The following RPL3 variants were observed in gnomAD, a reference collection of about 807,000 sequenced individuals.
RPL3 encodes the protein ribosomal protein L3, also known as large ribosomal subunit protein uL3.
In RPL3, 3 loss-of-function variants were observed where a neutral mutation model predicts 46.0. The ratio of observed to expected loss-of-function variants is 0.07; its 90% CI spans 0.03 to 0.17. RPL3 has a LOEUF of 0.17. Ranked by LOEUF, RPL3 falls within the 10% of genes least tolerant of loss-of-function variation. RPL3 has a pLI of 1.00. For missense variants in RPL3, 387 were observed against 532.7 expected (o/e 0.73, Z 2.69); for synonymous variants, 224 against 190.8 (o/e 1.17, Z -1.43).
intron 4 of RPL3, among the ~76,000 whole-genome samples, chr22:39,315,781 GACCCACACC>G (rs1432652640): frequency 6.6e-6 from 1 of 152,184 alleles, no homozygotes; most frequent in Non-Finnish European, 1.5e-5. Context: ...GAGCGGACAA[GACCCACACC>G]ACAGGCAAAC....
chr22:39,313,523 T>C (rs1182326742), intron 8 of RPL3, 111 bp downstream of exon 8: 42 of 1,258,436 alleles, frequency 3.3e-5, no homozygotes, highest in Non-Finnish European at 4.3e-5. Flanking sequence ...GTGAAAGGAC[T>C]GCCAACACCC....
At chr22:39,314,613 A>C (rs2146512186) in intron 6 of RPL3, 73 bp downstream of exon 6, 1 of 1,506,294 alleles carries the variant, frequency 6.6e-7, no homozygotes, top group East Asian at 2.4e-5. Flanking sequence ...AGCAGCACTG[A>C]CAGGCACAGA....
At chr22:39,316,131 C>T (rs1181100635) in intron 4 of RPL3, among the ~76,000 whole-genome samples, 1 of 151,942 alleles carries the variant, frequency 6.6e-6, no homozygotes, top group Non-Finnish European at 1.5e-5. Flanking sequence ...CCCAGCTACT[C>T]AGGAGGCTGA....
intron 4 of RPL3, 51 bp downstream of exon 4, chr22:39,316,655 G>A (rs750382391): frequency 1.9e-6 from 3 of 1,609,902 alleles, no homozygotes; most frequent in Non-Finnish European, 2.5e-6. Flanking sequence ...TGATCACATA[G>A]GTCACTTCTA....
chr22:39,319,548 C>T (rs1922923581), intron 1 of RPL3, 47 bp downstream of exon 1: 3 of 1,558,462 alleles, frequency 1.9e-6, no homozygotes, highest in African/African-American at 2.7e-5. Context: ...CGGATTCAGC[C>T]GTGCCGACGC....
intron 1 of RPL3, chr22:39,319,123 A>C (rs1198469342): frequency 1.8e-6 from 1 of 540,562 alleles, no homozygotes; most frequent in Non-Finnish European, 3.8e-6. Context: ...GGTTTCTGCG[A>C]GCTCCAGAGG....
intron 8 of RPL3, 101 bp downstream of exon 8, chr22:39,313,533 C>T: frequency 7.7e-7 from 1 of 1,298,356 alleles, no homozygotes; most frequent in Non-Finnish European, 1.1e-6. Flanking sequence ...TGCCAACACC[C>T]TCTCCTTCCT....
In RPL3 at chr22:39,315,564, A is replaced by G. The variant is rs778441394; in HGVS notation, c.502-9T>C. On this transcript the variant is annotated splice_polypyrimidine_tract_variant and intron_variant, in intron 4 of 9. Coordinates refer to ENST00000216146, the MANE Select transcript of RPL3 (RefSeq NM_000967.4). ...AGAGGAAGCAGGCGCATCTAGGAGAAGGTAGACACAGCTCAGCTCCAGCTG... is the reference window on the plus strand; with the variant it reads ...AGAGGAAGCAGGCGCATCTAGGAGAGGGTAGACACAGCTCAGCTCCAGCTG... 3.7e-6 allele frequency: 6 copies of G among 1,613,640 alleles called. No homozygotes were observed. The South Asian group carries it at 5.5e-5, about 15-fold the overall frequency.
chr22:39,317,783 C>A, intron 2 of RPL3, 154 bp from the exon 3 acceptor site: 2 of 747,782 alleles, frequency 2.7e-6, no homozygotes, highest in South Asian at 1.9e-5. Flanking sequence ...CTGCCTATCT[C>A]TCATTCAAAG....
intron 2 of RPL3, chr22:39,317,974 A>T: frequency 2.8e-6 from 1 of 354,630 alleles, no homozygotes; most frequent in Non-Finnish European, 5.2e-6. Flanking sequence ...GCCTAACATT[A>T]ATGTCTCCAT....
chr22:39,318,470 G>A lies in RPL3; in HGVS notation c.126C>T (p.His42=), dbSNP rs770553270. 1.2e-6 allele frequency: 2 copies of A among 1,614,062 alleles called. No individual in the cohort carries two copies. The highest frequency in any genetic ancestry group is 1.7e-6 in the Non-Finnish European group (2 of 1,179,970). Residue 42 remains histidine (H), a synonymous_variant, in exon 2 of 10, where the codon CAC becomes CAT. Coordinates refer to ENST00000216146, the MANE Select transcript of RPL3 (RefSeq NM_000967.4). ...CCTTGTATCCCAGGAAGGCTGTGAG[G>A]TGGACCGGCTTGGACGGGTCATCCT... ...FPKDDPSKPV[H]LTAFLGYKAG... is the part of the protein sequence containing the mutation.
Position 39,314,289 on chromosome 22 carries a change from C to T in RPL3, c.850-81G>A, listed in dbSNP as rs114560543. 2,313 of 1,218,832 alleles carry T rather than the reference C, an allele frequency of 1.9e-3. 38 individuals carry two copies. The African/African-American group carries it at 0.03, about 16-fold the overall frequency. 75.5% of individuals were successfully genotyped at this position (1,218,832 alleles called of 1,614,324 possible). A position where few individuals can be genotyped will look rare whatever the true frequency, so the allele number is the denominator to read the frequency against. ...TGCCAGTGTGCTGACCTGCAAAGCA[C>T]GCTAGAAGGCAGCTGAGGCCTCAGT... is the stretch of plus-strand genomic sequence containing the variant. On this transcript the variant is annotated intron_variant, in intron 6 of 9. Transcript: ENST00000216146.
intron 2 of RPL3, 120 bp downstream of exon 2, chr22:39,318,273 GTTCTGAC>G (rs1922828254): frequency 6.6e-6 from 6 of 905,436 alleles, no homozygotes; most frequent in African/African-American, 1.7e-5. Context: ...TGTCGCAGCA[GTTCTGAC>G]AACGTGTAAC....
intron 6 of RPL3, 66 bp from the exon 7 acceptor site, chr22:39,314,274 C>T (rs1163362283): frequency 2.9e-6 from 4 of 1,398,964 alleles, no homozygotes; most frequent in African/African-American, 2.9e-5. Context: ...TGCCAGTGTG[C>T]TGACCTGCAA....
chr22:39,313,524 G>T, intron 8 of RPL3, 110 bp downstream of exon 8: 1 of 1,267,242 alleles, frequency 7.9e-7, no homozygotes. Context: ...TGAAAGGACT[G>T]CCAACACCCT....
Position 39,315,465 on chromosome 22 carries a change from G to A in RPL3, c.592C>T (p.Arg198Cys), listed in dbSNP as rs774059903. The A allele has an allele frequency of 9.3e-6, 15 of 1,613,910 alleles. No homozygotes were observed. The highest frequency in any genetic ancestry group is 2.2e-5 in the South Asian group (2 of 91,082). The change falls in exon 5 of 10, where the codon CGC becomes TGC. Residue 198 changes from arginine (R) to cysteine (C), a missense_variant. Transcript: ENST00000216146. Reference protein sequence around the residue: ...GTVAEKLDWARERLEQQVPVN... With the variant: ...GTVAEKLDWACERLEQQVPVN... ...GGTACCTGCTGCTCAAGCCTCTCGC[G>A]GGCCCAGTCCAGCTTCTCGGCCACA...
At chr22:39,313,930 T>A (rs763086665) in intron 7 of RPL3, 177 bp downstream of exon 7, 37 of 831,970 alleles carry the variant, frequency 4.4e-5, no homozygotes, top group Non-Finnish European at 5.7e-5. Flanking sequence ...AGACCCCACT[T>A]CTCACCAGCC....
At chr22:39,316,641 C>G (rs1922710952) in intron 4 of RPL3, 65 bp downstream of exon 4, 1 of 1,605,512 alleles carries the variant, frequency 6.2e-7, no homozygotes, top group Non-Finnish European at 8.5e-7. Context: ...GCACGGGACC[C>G]CCATGATCAC....
intron 2 of RPL3, 185 bp downstream of exon 2, chr22:39,318,215 T>C: frequency 1.6e-6 from 1 of 613,946 alleles, no homozygotes; most frequent in South Asian, 2.1e-5. Context: ...GTGCTGACCA[T>C]CTGTAGCCTT....
Sources: allele counts gnomAD v4.1 joint callset (sites outside exome capture counted in the v4.1 genomes callset), GRCh38; gene constraint gnomAD v4.1.1; transcripts MANE v1.5; gene names NCBI Gene and HGNC (gene_info 2026-07-23, HGNC 2026-07-21).